CNTN1: variants seen among roughly 807,000 people sequenced by gnomAD.
The protein encoded by CNTN1 is contactin 1.
Under a neutral mutation model 126.4 loss-of-function variants are expected in CNTN1, and 38 were observed. The observed-to-expected ratio is 0.30, with a 90% CI of 0.23 to 0.39. The LOEUF (loss-of-function observed/expected upper bound fraction) is 0.39, where lower values mean the gene tolerates loss of function less well. Ranked by LOEUF, CNTN1 falls within the 10% of genes least tolerant of loss-of-function variation. The probability of loss-of-function intolerance (pLI) is 1.00; values close to 1 mark genes in which losing one functional copy is unlikely to be tolerated. For missense variants in CNTN1, 1,009 were observed against 1,248.4 expected (o/e 0.81, Z 2.89); for synonymous variants, 413 against 422.6 (o/e 0.98, Z 0.28).
intron 23 of CNTN1, among the ~76,000 whole-genome samples, chr12:41,053,735 C>T (rs1011420681): frequency 6.6e-6 from 1 of 151,076 alleles, no homozygotes; most frequent in African/African-American, 2.4e-5. Flanking sequence ...TAATATAATG[C>T]TAGCTCATAT....
Position 41,005,399 on chromosome 12 carries a change from T to A in CNTN1, c.2114-8829T>A, listed in dbSNP as rs1566125941. 5.9e-5 allele frequency among the ~76,000 whole-genome samples: 9 copies of A among 152,294 alleles called. No individual in the cohort carries two copies. In the South Asian group the frequency reaches 1.9e-3, roughly 32 times the overall value. ...TTTCAATCTTTAAAAATATGATGAT[T>A]ATGTGTCTTGGGGATGATCTTCTTG... On this transcript the variant is annotated intron_variant, in intron 17 of 23. Coordinates refer to ENST00000551295, the MANE Select transcript of CNTN1 (RefSeq NM_001843.4).
intron 12 of CNTN1, 38 bp from the exon 13 acceptor site, chr12:40,943,559 A>G: frequency 6.9e-7 from 1 of 1,446,110 alleles, no homozygotes; most frequent in Non-Finnish European, 9.7e-7. Context: ...ATTTTACTAA[A>G]TCAGGTTTGT....
chr12:40,877,155 G>C (rs1479279538), intron 1 of CNTN1, among the ~76,000 whole-genome samples: 1 of 152,112 alleles, frequency 6.6e-6, no homozygotes, highest in Non-Finnish European at 1.5e-5. Flanking sequence ...TGCTATTATA[G>C]CTAGACTAAC....
At chr12:40,786,752 T>C (rs1312460093) in intron 1 of CNTN1, among the ~76,000 whole-genome samples, 1 of 152,102 alleles carries the variant, frequency 6.6e-6, no homozygotes, top group Non-Finnish European at 1.5e-5. Flanking sequence ...GAAAGGCAAT[T>C]GGACTGATAA....
chr12:41,053,431 A>ATATATATAT (rs1949732101), intron 23 of CNTN1, among the ~76,000 whole-genome samples: 1 of 37,920 alleles, frequency 2.6e-5, no homozygotes. Flanking sequence ...TTCACTAAAT[A>ATATATATAT]TATATATATA....
chr12:41,015,182 T>TGC (rs1277530593), intron 18 of CNTN1, among the ~76,000 whole-genome samples: 1 of 89,072 alleles, frequency 1.1e-5, no homozygotes, highest in Non-Finnish European at 2.2e-5. Flanking sequence ...AAATCACATT[T>TGC]TAAAGCAAGA....
intron 1 of CNTN1, among the ~76,000 whole-genome samples, chr12:40,732,130 T>C (rs1390289591): frequency 3.3e-5 from 5 of 152,182 alleles, no homozygotes; most frequent in Non-Finnish European, 1.5e-5. Flanking sequence ...TTAAACCATT[T>C]GCCTCACCGT....
At chr12:40,967,398 T>C (rs949203016) in intron 15 of CNTN1, among the ~76,000 whole-genome samples, 1 of 152,080 alleles carries the variant, frequency 6.6e-6, no homozygotes, top group African/African-American at 2.4e-5. Flanking sequence ...GAGAATCACT[T>C]GAACCCAGGA....
chr12:40,944,032 T>C lies in CNTN1; in HGVS notation c.1545T>C (p.Asp515=), dbSNP rs1393659931. Residue 515 remains aspartate, a synonymous_variant, in exon 14 of 24, where the codon GAT becomes GAC. Transcript: ENST00000551295. ...TRIILAPINA[D]ITVGENATMQ... is the part of the protein sequence containing the mutation. The stretch of plus-strand genomic sequence containing the variant: ...TTATATTGGCCCCAATTAATGCCGA[T>C]ATCACAGTTGGAGAAAACGCCACCA... 2 of 1,613,642 alleles carry C rather than the reference T, an allele frequency of 1.2e-6. No individual in the cohort carries two copies. Among genetic ancestry groups the C allele is most frequent in the Non-Finnish European group, 1.7e-6 (2 of 1,179,664 alleles).
At chr12:40,816,437 T>C (rs1224176887) in intron 1 of CNTN1, among the ~76,000 whole-genome samples, 1 of 152,188 alleles carries the variant, frequency 6.6e-6, no homozygotes. Context: ...TTTATTTGCA[T>C]AGAGGTGTTT....
intron 1 of CNTN1, among the ~76,000 whole-genome samples, chr12:40,810,651 G>A (rs1941028493): frequency 6.7e-6 from 1 of 150,138 alleles, no homozygotes; most frequent in South Asian, 2.1e-4. Context: ...TTATCTTTCT[G>A]TGTATGACAC....
intron 15 of CNTN1, among the ~76,000 whole-genome samples, chr12:40,959,487 G>A (rs1947028199): frequency 6.6e-6 from 1 of 151,988 alleles, no homozygotes; most frequent in South Asian, 2.1e-4. Context: ...CCTACTAAAT[G>A]TTTGTGCTTT....
At chr12:40,734,757 CAT>C (rs1942578906) in intron 1 of CNTN1, among the ~76,000 whole-genome samples, 1 of 151,962 alleles carries the variant, frequency 6.6e-6, no homozygotes, top group Non-Finnish European at 1.5e-5. Flanking sequence ...ATTAATATAA[CAT>C]AATAAGCATG....
chr12:41,058,723 G>A (rs1949878179), intron 23 of CNTN1, among the ~76,000 whole-genome samples: 1 of 152,004 alleles, frequency 6.6e-6, no homozygotes, highest in South Asian at 2.1e-4. Flanking sequence ...CAGAACCAAG[G>A]AAATTCTGTG....
intron 1 of CNTN1, among the ~76,000 whole-genome samples, chr12:40,707,018 A>C (rs1941759764): frequency 6.6e-6 from 1 of 151,490 alleles, no homozygotes; most frequent in Non-Finnish European, 1.5e-5. Flanking sequence ...CAAAACATAC[A>C]TATAAAGACG....
intron 1 of CNTN1, among the ~76,000 whole-genome samples, chr12:40,803,070 G>C (rs1175266192): frequency 2.6e-5 from 4 of 151,974 alleles, no homozygotes; most frequent in African/African-American, 9.7e-5. Context: ...ATCTGCAGCT[G>C]ACCTGGGTGC....
intron 23 of CNTN1, among the ~76,000 whole-genome samples, chr12:41,038,538 T>C (rs928410270): frequency 2.0e-5 from 3 of 152,086 alleles, no homozygotes; most frequent in African/African-American, 7.2e-5. Flanking sequence ...CTAATGACTT[T>C]ATTGAAAGAC....
chr12:40,832,055 T>C (rs1941859961), intron 1 of CNTN1, among the ~76,000 whole-genome samples: 1 of 152,168 alleles, frequency 6.6e-6, no homozygotes, highest in African/African-American at 2.4e-5. Flanking sequence ...GTGGTGTAGT[T>C]GAGAATAAAC....
intron 1 of CNTN1, among the ~76,000 whole-genome samples, chr12:40,823,483 A>C (rs947480384): frequency 6.6e-6 from 1 of 152,222 alleles, no homozygotes; most frequent in Non-Finnish European, 1.5e-5. Flanking sequence ...TGTGATGATC[A>C]AATTAAATCA....
Sources: gnomAD v4.1 joint callset for allele counts (sites outside exome capture counted in the v4.1 genomes callset) on GRCh38, gnomAD v4.1.1 for gene constraint, MANE v1.5 for transcripts, NCBI Gene and HGNC (gene_info 2026-07-23, HGNC 2026-07-21) for gene names.